PDE12: variants seen among roughly 807,000 people sequenced by gnomAD.
PDE12 encodes 2',5'-phosphodiesterase 12.
PDE12 carries 26 observed loss-of-function variants against 45.4 expected under a neutral mutation model. The observed-to-expected ratio is 0.57, with a 90% CI of 0.42 to 0.79. PDE12 has a LOEUF of 0.79. PDE12 is among the 30% of genes least tolerant of loss of function. The pLI, the probability that PDE12 is intolerant of heterozygous loss-of-function variation, is 0.00. For synonymous variants in PDE12, 283 were observed against 323.9 expected, an observed-to-expected ratio of 0.87 and a Z score of 1.36; for missense variants, 668 against 790.0, an observed-to-expected ratio of 0.85 and a Z score of 1.85.
the PDE12 span, among the ~76,000 whole-genome samples, chr3:57,642,549 A>G: frequency 6.6e-6 from 1 of 152,254 alleles, no homozygotes; most frequent in South Asian, 2.1e-4. Context: ...GCATTCCTGG[A>G]GCAAAAGCAG....
chr3:57,610,083 C>T, the PDE12 span, among the ~76,000 whole-genome samples: 25 of 152,192 alleles, frequency 1.6e-4, no homozygotes, highest in East Asian at 3.9e-4. Context: ...GTTCAACATA[C>T]GCAAATCAGT....
the PDE12 span, among the ~76,000 whole-genome samples, chr3:57,578,847 T>C: frequency 6.7e-6 from 1 of 149,846 alleles, no homozygotes; most frequent in African/African-American, 2.5e-5. Flanking sequence ...ACTGTTTTTC[T>C]AAGAACTTTC....
chr3:57,561,242 T>G lies in PDE12; in HGVS notation c.*1238T>G. The stretch of plus-strand genomic sequence containing the variant: ...CTTTATGAGAAACTACCTACTGATA[T>G]GGGCTTGAAATTTTGGATGAATCAT... On this transcript the variant is annotated 3_prime_UTR_variant, in exon 3 of 3. Coordinates refer to ENST00000311180, the MANE Select transcript of PDE12 (RefSeq NM_177966.7). 1 of 985,522 alleles carries G rather than the reference T, an allele frequency of 1.0e-6. No individual in the cohort carries two copies. The highest frequency in any genetic ancestry group is 1.2e-6 in the Non-Finnish European group (1 of 829,632). 61.0% of individuals were successfully genotyped at this position (985,522 alleles called of 1,614,324 possible).
the PDE12 span, chr3:57,634,458 A>C: frequency 1.8e-6 from 1 of 557,596 alleles, no homozygotes; most frequent in Non-Finnish European, 2.7e-6. Flanking sequence ...AAAAGGAGAG[A>C]TCCTATTTCA....
At chr3:57,621,808 A>T in the PDE12 span, among the ~76,000 whole-genome samples, 1 of 152,126 alleles carries the variant, frequency 6.6e-6, no homozygotes, top group Non-Finnish European at 1.5e-5. Context: ...AAATGAAAAA[A>T]AAAAAGTCAT....
chr3:57,602,743 G>A, the PDE12 span, among the ~76,000 whole-genome samples: 4 of 151,826 alleles, frequency 2.6e-5, no homozygotes, highest in Admixed American at 6.6e-5. Flanking sequence ...GCTAGTTTTT[G>A]TAGTTTTAGT....
the PDE12 span, among the ~76,000 whole-genome samples, chr3:57,617,291 G>A: frequency 2.0e-5 from 3 of 150,358 alleles, no homozygotes; most frequent in South Asian, 2.1e-4. Flanking sequence ...TGTAGTCCCA[G>A]TTACTTACAG....
the PDE12 span, among the ~76,000 whole-genome samples, chr3:57,625,018 C>CT: frequency 6.6e-6 from 1 of 152,190 alleles, no homozygotes; most frequent in East Asian, 1.9e-4. Flanking sequence ...CCTCACCCAC[C>CT]TGAGCCACCT....
chr3:57,604,815 GT>G, the PDE12 span, among the ~76,000 whole-genome samples: 30 of 151,824 alleles, frequency 2.0e-4, no homozygotes, highest in Admixed American at 2.0e-3. Flanking sequence ...GTCTTGCTTT[GT>G]TGCCTAGGCT....
chr3:57,584,205 C>T, the PDE12 span: 1 of 732,396 alleles, frequency 1.4e-6, no homozygotes, highest in Non-Finnish European at 2.2e-6. Context: ...TCAAGCAATC[C>T]ACCCGCCTCG....
At chr3:57,641,772 AT>A in the PDE12 span, 8 of 1,573,010 alleles carry the variant, frequency 5.1e-6, no homozygotes, top group Admixed American at 1.1e-4. Context: ...ACAAAACAAA[AT>A]AAAAAAGGTG....
the PDE12 span, chr3:57,597,204 C>T: frequency 6.7e-7 from 1 of 1,485,388 alleles, no homozygotes; most frequent in Non-Finnish European, 9.3e-7. Flanking sequence ...GTGCTTTCTC[C>T]TTTCAAGCTC....
chr3:57,570,219 G>GTTTTTTTTTTTTGTTTGTTT (rs2069824294), downstream of PDE12, among the ~76,000 whole-genome samples: 3 of 102,312 alleles, frequency 2.9e-5, no homozygotes, highest in African/African-American at 1.2e-4. Context: ...TTAATCCAGT[G>GTTTTTTTTTTTTGTTTGTTT]TTTTTTTTTT....
chr3:57,593,796 G>C, the PDE12 span, among the ~76,000 whole-genome samples: 2 of 152,064 alleles, frequency 1.3e-5, no homozygotes, highest in Non-Finnish European at 2.9e-5. Flanking sequence ...AGCACTTTTC[G>C]AGGCCGAGGT....
At chr3:57,631,957 C>T in the PDE12 span, among the ~76,000 whole-genome samples, 1 of 147,224 alleles carries the variant, frequency 6.8e-6, no homozygotes, top group Non-Finnish European at 1.5e-5. Context: ...CTCCTGACCT[C>T]GTGATCCGCC....
chr3:57,583,405 GA>G, the PDE12 span, among the ~76,000 whole-genome samples: 1 of 152,026 alleles, frequency 6.6e-6, no homozygotes, highest in Non-Finnish European at 1.5e-5. Flanking sequence ...TGTTCTACAG[GA>G]TCACTAAAGT....
chr3:57,603,797 T>C, the PDE12 span, among the ~76,000 whole-genome samples: 1 of 152,052 alleles, frequency 6.6e-6, no homozygotes, highest in Non-Finnish European at 1.5e-5. Flanking sequence ...TAATTTTGTA[T>C]TTTTAGTAGA....
the PDE12 span, among the ~76,000 whole-genome samples, chr3:57,595,821 C>T: frequency 6.6e-6 from 1 of 151,278 alleles, no homozygotes; most frequent in African/African-American, 2.5e-5. Context: ...CGTGGTGTTG[C>T]ATGCCTGTAA....
At chr3:57,632,259 C>G in the PDE12 span, among the ~76,000 whole-genome samples, 1 of 151,486 alleles carries the variant, frequency 6.6e-6, no homozygotes, top group African/African-American at 2.4e-5. Context: ...CTCCTGACCT[C>G]GTGATCTGCC....
Sources: allele counts gnomAD v4.1 joint callset (sites outside exome capture counted in the v4.1 genomes callset), GRCh38; gene constraint gnomAD v4.1.1; transcripts MANE v1.5; gene names NCBI Gene and HGNC (gene_info 2026-07-23, HGNC 2026-07-21).